The following LSAMP variants were observed in gnomAD, a reference collection of about 807,000 sequenced individuals.
LSAMP encodes the protein limbic system associated membrane protein.
A neutral mutation model predicts 38.6 loss-of-function variants in LSAMP; 7 were observed. The observed-to-expected ratio is 0.18, with a 90% CI of 0.10 to 0.34. The LOEUF (loss-of-function observed/expected upper bound fraction) is 0.34. LSAMP is among the 10% of genes least tolerant of loss of function. LSAMP has a pLI of 1.00. For missense variants in LSAMP, 313 were observed against 420.0 expected, an observed-to-expected ratio of 0.75 and a Z score of 2.23; for synonymous variants, 154 against 166.8, an observed-to-expected ratio of 0.92 and a Z score of 0.59.
At chr3:116,153,092 A>T (rs868724092) in intron 1 of LSAMP, among the ~76,000 whole-genome samples, 1 of 152,118 alleles carries the variant, frequency 6.6e-6, no homozygotes, top group South Asian at 2.1e-4. Context: ...TATATTAAGA[A>T]TATACTAGTA....
chr3:115,896,514 G>A (rs887635763), intron 3 of LSAMP, among the ~76,000 whole-genome samples: 7 of 152,022 alleles, frequency 4.6e-5, no homozygotes, highest in African/African-American at 1.4e-4. Context: ...TAGCTGCAAG[G>A]CAGGTGATTC....
intron 1 of LSAMP, among the ~76,000 whole-genome samples, chr3:116,429,961 TGG>T (rs1460802687): frequency 6.6e-6 from 1 of 152,138 alleles, no homozygotes; most frequent in Non-Finnish European, 1.5e-5. Context: ...AGATATACAG[TGG>T]GAATTAAAAC....
chr3:116,277,558 A>G (rs1282965292), intron 1 of LSAMP, among the ~76,000 whole-genome samples: 1 of 151,864 alleles, frequency 6.6e-6, no homozygotes, highest in East Asian at 1.9e-4. Flanking sequence ...TTTTTAGTAG[A>G]GACGGGGTTT....
intron 3 of LSAMP, among the ~76,000 whole-genome samples, chr3:115,949,050 G>A (rs138885220): frequency 1.3e-5 from 2 of 152,012 alleles, no homozygotes; most frequent in African/African-American, 4.8e-5. Flanking sequence ...GGTGAATCAC[G>A]TGAGGCCAGG....
chr3:115,882,096 A>G (rs1326888908), intron 3 of LSAMP, among the ~76,000 whole-genome samples: 1 of 152,140 alleles, frequency 6.6e-6, no homozygotes, highest in Non-Finnish European at 1.5e-5. Context: ...GAGCATCACC[A>G]TGTATCAGGA....
intron 1 of LSAMP, among the ~76,000 whole-genome samples, chr3:116,407,622 T>C (rs1031931182): frequency 3.3e-5 from 5 of 152,082 alleles, no homozygotes; most frequent in Non-Finnish European, 5.9e-5. Context: ...GGTTGTTCAA[T>C]CTTAAGAAAT....
chr3:115,834,266 T>C lies in LSAMP; in HGVS notation c.919+7579A>G, dbSNP rs112222717. 4.5e-3 allele frequency among the ~76,000 whole-genome samples: 685 copies of C among 152,206 alleles called. 2 individuals carry two copies. Among genetic ancestry groups the C allele is most frequent in the African/African-American group, 0.015 (636 of 41,552 alleles). On this transcript the variant is annotated intron_variant, in intron 6 of 6. Transcript: ENST00000490035. The stretch of plus-strand genomic sequence containing the variant: ...CTGGCTGTGTCCCAAATATGTGAGT[T>C]CCTAGTTCCTTGTAATAAATATTGA...
At chr3:116,195,022 C>A (rs1013616858) in intron 1 of LSAMP, among the ~76,000 whole-genome samples, 6 of 152,208 alleles carry the variant, frequency 3.9e-5, no homozygotes, top group African/African-American at 1.2e-4. Context: ...GGATCCCCTG[C>A]CAACTGGGTT....
At chr3:116,433,803 T>C (rs1277294255) in intron 1 of LSAMP, among the ~76,000 whole-genome samples, 1 of 152,170 alleles carries the variant, frequency 6.6e-6, no homozygotes, top group African/African-American at 2.4e-5. Context: ...GGTAGATTCC[T>C]TCTTCTCAGA....
intron 3 of LSAMP, among the ~76,000 whole-genome samples, chr3:115,997,753 T>TATATATAC (rs1377845663): frequency 1.9e-4 from 24 of 124,908 alleles, no homozygotes; most frequent in African/African-American, 3.5e-4. Flanking sequence ...TATATATATA[T>TATATATAC]ACACACACAT....
intron 1 of LSAMP, among the ~76,000 whole-genome samples, chr3:116,111,418 A>T (rs1708612740): frequency 1.3e-5 from 2 of 152,216 alleles, no homozygotes. Flanking sequence ...CTGAGCTCAT[A>T]AATTTTCACT....
intron 3 of LSAMP, among the ~76,000 whole-genome samples, chr3:115,977,144 T>G (rs182704280): frequency 1.7e-4 from 26 of 152,276 alleles, no homozygotes; most frequent in African/African-American, 6.3e-4. Context: ...TGACCCAAGA[T>G]GCCTTTTACA....
intron 1 of LSAMP, among the ~76,000 whole-genome samples, chr3:116,305,164 C>T (rs78996251): frequency 0.052 from 7,967 of 152,152 alleles, 284 homozygotes; most frequent in Non-Finnish European, 0.079. Context: ...GCACCTTGCA[C>T]ATAATTCTAC....
chr3:116,291,230 AC>A (rs751224331), intron 1 of LSAMP, among the ~76,000 whole-genome samples: 17 of 152,178 alleles, frequency 1.1e-4, no homozygotes, highest in Non-Finnish European at 2.4e-4. Flanking sequence ...TGAATTGGAA[AC>A]AAAATTGAAG....
chr3:116,330,285 C>T (rs2047831073), intron 1 of LSAMP, among the ~76,000 whole-genome samples: 1 of 152,142 alleles, frequency 6.6e-6, no homozygotes, highest in African/African-American at 2.4e-5. Context: ...AGTGCAGCAA[C>T]AGCTACCCAT....
chr3:116,164,582 T>C (rs1172595013), intron 1 of LSAMP, among the ~76,000 whole-genome samples: 1 of 101,140 alleles, frequency 9.9e-6, no homozygotes, highest in African/African-American at 3.5e-5. Flanking sequence ...AATATATATA[T>C]ATATATATAT....
At chr3:116,249,823 A>T (rs924836652) in intron 1 of LSAMP, among the ~76,000 whole-genome samples, 1 of 152,134 alleles carries the variant, frequency 6.6e-6, no homozygotes, top group African/African-American at 2.4e-5. Context: ...ACCCTTTAGC[A>T]TATGTTTATT....
At chr3:116,023,597 T>G (rs957184771) in intron 2 of LSAMP, among the ~76,000 whole-genome samples, 4 of 106,298 alleles carry the variant, frequency 3.8e-5, no homozygotes, top group African/African-American at 1.7e-4. Context: ...AGAGCGAGAC[T>G]CCGTCTCAAA....
At chr3:116,366,035 A>G (rs796581078) in intron 1 of LSAMP, among the ~76,000 whole-genome samples, 7 of 144,788 alleles carry the variant, frequency 4.8e-5, no homozygotes, top group Non-Finnish European at 9.1e-5. Context: ...AAAAAAAAAA[A>G]AAAAGAACTT....
Sources: gnomAD v4.1 joint callset for allele counts (sites outside exome capture counted in the v4.1 genomes callset) on GRCh38, gnomAD v4.1.1 for gene constraint, MANE v1.5 for transcripts, NCBI Gene and HGNC (gene_info 2026-07-23, HGNC 2026-07-21) for gene names.